Variants in CDH13 observed in about 807,000 individuals in gnomAD.
CDH13 encodes cadherin-13.
In CDH13, 24 loss-of-function variants were observed where a neutral mutation model predicts 63.8. The observed-to-expected ratio is 0.38, with a 90% CI of 0.27 to 0.53. The LOEUF is 0.53. Ranked by LOEUF, CDH13 falls within the 20% of genes least tolerant of loss-of-function variation. The probability of loss-of-function intolerance (pLI) is 0.85; values close to 1 mark genes in which losing one functional copy is unlikely to be tolerated. For synonymous variants in CDH13, 503 were observed against 355.3 expected (o/e 1.42, Z -4.67); for missense variants, 1,049 against 903.1 (o/e 1.16, Z -2.07).
intron 5 of CDH13, among the ~76,000 whole-genome samples, chr16:83,223,602 C>G (rs2039762460): frequency 6.6e-6 from 1 of 152,198 alleles, no homozygotes; most frequent in Non-Finnish European, 1.5e-5. Context: ...GTGACTTTGC[C>G]AAGCTCAGAA....
At chr16:83,515,902 C>G (rs1349463679) in intron 7 of CDH13, among the ~76,000 whole-genome samples, 2 of 151,970 alleles carry the variant, frequency 1.3e-5, no homozygotes, top group Non-Finnish European at 1.5e-5. Context: ...AGGAATTAAA[C>G]AGACAAGCCA....
chr16:83,022,164 G>C (rs1474130356), intron 2 of CDH13, among the ~76,000 whole-genome samples: 1 of 152,210 alleles, frequency 6.6e-6, no homozygotes, highest in Non-Finnish European at 1.5e-5. Context: ...CCTGTATCCT[G>C]GAAAGAGTCT....
chr16:82,684,134 G>C (rs1914829323), intron 1 of CDH13, among the ~76,000 whole-genome samples: 1 of 152,198 alleles, frequency 6.6e-6, no homozygotes, highest in African/African-American at 2.4e-5. Context: ...AATCGTATTT[G>C]GGGAAAATGG....
At chr16:82,677,382 A>T (rs1914050361) in intron 1 of CDH13, among the ~76,000 whole-genome samples, 1 of 150,002 alleles carries the variant, frequency 6.7e-6, no homozygotes, top group East Asian at 2.0e-4. Context: ...TTTATGGGGA[A>T]TATGTGATTA....
chr16:82,707,148 G>A (rs192772042), intron 1 of CDH13, among the ~76,000 whole-genome samples: 84 of 152,296 alleles, frequency 5.5e-4, no homozygotes, highest in African/African-American at 1.7e-3. Flanking sequence ...TGATAATTTC[G>A]TCAAGTAGTT....
intron 8 of CDH13, among the ~76,000 whole-genome samples, chr16:83,622,390 C>T (rs1160482151): frequency 1.3e-5 from 2 of 152,122 alleles, no homozygotes; most frequent in Admixed American, 6.5e-5. Context: ...GAAATCAGGC[C>T]CCCAAAAGAC....
intron 8 of CDH13, among the ~76,000 whole-genome samples, chr16:83,629,480 A>T (rs1910594367): frequency 6.6e-6 from 1 of 152,228 alleles, no homozygotes; most frequent in Non-Finnish European, 1.5e-5. Context: ...TTAAAAACCC[A>T]GGGTTCTCCA....
At chr16:83,742,707 C>T (rs969604018) in intron 10 of CDH13, among the ~76,000 whole-genome samples, 2 of 152,238 alleles carry the variant, frequency 1.3e-5, no homozygotes, top group African/African-American at 4.8e-5. Context: ...GCTGTTCTCC[C>T]TCCACATCGG....
intron 3 of CDH13, among the ~76,000 whole-genome samples, chr16:83,104,324 T>C (rs2034656238): frequency 6.6e-6 from 1 of 152,140 alleles, no homozygotes; most frequent in African/African-American, 2.4e-5. Context: ...GCATACATTA[T>C]TGTGAAGAAT....
intron 1 of CDH13, among the ~76,000 whole-genome samples, chr16:82,844,160 C>G (rs1350047371): frequency 6.6e-6 from 1 of 151,960 alleles, no homozygotes. Flanking sequence ...TAGGAGGAGC[C>G]AGAGTTAGAA....
At chr16:83,528,593 A>G (rs944770012) in intron 7 of CDH13, among the ~76,000 whole-genome samples, 3 of 152,184 alleles carry the variant, frequency 2.0e-5, no homozygotes, top group African/African-American at 7.2e-5. Flanking sequence ...AGGGATTTCT[A>G]CTATAAATAT....
At chr16:83,546,623 C>A (rs753821104) in intron 7 of CDH13, among the ~76,000 whole-genome samples, 1 of 152,150 alleles carries the variant, frequency 6.6e-6, no homozygotes, top group Non-Finnish European at 1.5e-5. Context: ...TGTCTCTGAT[C>A]TTTACTCAAA....
At chr16:83,288,105 G>A (rs113127021) in intron 5 of CDH13, among the ~76,000 whole-genome samples, 2 of 152,296 alleles carry the variant, frequency 1.3e-5, no homozygotes, top group Non-Finnish European at 2.9e-5. Flanking sequence ...CCTTTTTGCA[G>A]TAATTGCGAT....
intron 7 of CDH13, among the ~76,000 whole-genome samples, chr16:83,507,128 TC>T (rs1270947998): frequency 6.6e-6 from 1 of 152,236 alleles, no homozygotes. Context: ...GAGCAGCCCC[TC>T]CTCTGTGGAC....
intron 6 of CDH13, among the ~76,000 whole-genome samples, chr16:83,389,510 T>G (rs2091743021): frequency 1.3e-5 from 2 of 152,230 alleles, no homozygotes; most frequent in African/African-American, 4.8e-5. Context: ...CCTTTATGTT[T>G]TTTATAAACA....
intron 1 of CDH13, among the ~76,000 whole-genome samples, chr16:82,646,786 T>C (rs7187680): frequency 0.22 from 34,066 of 151,798 alleles, 5,282 homozygotes; most frequent in African/African-American, 0.44. Flanking sequence ...ATCAAGATGA[T>C]AGAGGGAGAA....
chr16:83,374,150 C>G (rs565763949), intron 6 of CDH13, among the ~76,000 whole-genome samples: 2 of 152,302 alleles, frequency 1.3e-5, no homozygotes, highest in African/African-American at 2.4e-5. Context: ...AAGACTGGAT[C>G]CACATAACCT....
At chr16:83,645,035 C>T (rs1399197268) in intron 8 of CDH13, among the ~76,000 whole-genome samples, 1 of 152,190 alleles carries the variant, frequency 6.6e-6, no homozygotes, top group Admixed American at 6.5e-5. Context: ...CTTCTATGCT[C>T]ACATCCACTC....
chr16:83,028,438 C>A (rs72794188), intron 2 of CDH13, among the ~76,000 whole-genome samples: 1 of 152,046 alleles, frequency 6.6e-6, no homozygotes, highest in Non-Finnish European at 1.5e-5. Flanking sequence ...GCAGAGCGAT[C>A]AAAAGGCACC....
Sources: gnomAD v4.1 joint callset for allele counts (sites outside exome capture counted in the v4.1 genomes callset) on GRCh38, gnomAD v4.1.1 for gene constraint, MANE v1.5 for transcripts, NCBI Gene and HGNC (gene_info 2026-07-23, HGNC 2026-07-21) for gene names.